The following RAB31 variants were observed in gnomAD, a reference collection of about 807,000 sequenced individuals.
The protein encoded by RAB31 is ras-related protein Rab-31.
In RAB31, 21 loss-of-function variants were observed where a neutral mutation model predicts 25.6. The observed-to-expected ratio is 0.82, with a 90% CI of 0.58 to 1.18. RAB31 has a LOEUF of 1.18. RAB31 is among the 50% of genes most tolerant of loss of function. The pLI is 0.00. For synonymous variants in RAB31, 87 were observed against 84.0 expected (o/e 1.04, Z -0.20); for missense variants, 196 against 250.1 (o/e 0.78, Z 1.46).
At position 9,771,400 on chromosome 18, in the gene RAB31, G is replaced by A. The variant is rs185818878; in HGVS notation, c.40-3878G>A. On this transcript the variant is annotated intron_variant, in intron 1 of 6. Transcript: ENST00000578921. The stretch of plus-strand genomic sequence containing the variant: ...GAAATGGAATAATATATACATAGAT[G>A]GGTTTCCGTCAGTGTGGCCCTAAAG... 3.9e-5 allele frequency among the ~76,000 whole-genome samples: 6 copies of A among 152,284 alleles called. No homozygotes were observed. The East Asian group carries it at 9.6e-4, about 24-fold the overall frequency.
intron 1 of RAB31, among the ~76,000 whole-genome samples, chr18:9,748,849 C>T (rs558488052): frequency 2.2e-4 from 33 of 152,026 alleles, no homozygotes; most frequent in Admixed American, 5.9e-4. Context: ...CGAGATTGCA[C>T]CACTGCACTC....
intron 5 of RAB31, among the ~76,000 whole-genome samples, chr18:9,821,644 A>T (rs1308763719): frequency 1.3e-5 from 2 of 152,134 alleles, no homozygotes; most frequent in African/African-American, 4.8e-5. Flanking sequence ...AATCAATCAG[A>T]TTTCTATATA....
At chr18:9,771,717 C>T (rs1388263348) in intron 1 of RAB31, among the ~76,000 whole-genome samples, 1 of 152,228 alleles carries the variant, frequency 6.6e-6, no homozygotes, top group Admixed American at 6.5e-5. Context: ...TCGGGAACTG[C>T]ATCCACTTGA....
At chr18:9,734,614 GGATCCCGGATAC>G (rs2145467659) in intron 1 of RAB31, among the ~76,000 whole-genome samples, 1 of 152,262 alleles carries the variant, frequency 6.6e-6, no homozygotes, top group Non-Finnish European at 1.5e-5. Flanking sequence ...GGTGCAGAAA[GGATCCCGGATAC>G]GATGAACAAA....
chr18:9,854,067 A>G (rs550975738), intron 6 of RAB31, among the ~76,000 whole-genome samples: 1 of 150,794 alleles, frequency 6.6e-6, no homozygotes, highest in Non-Finnish European at 1.5e-5. Flanking sequence ...ACGTATCAAC[A>G]CGTCATCTAG....
At chr18:9,770,746 G>A (rs1002063937) in intron 1 of RAB31, among the ~76,000 whole-genome samples, 9 of 152,096 alleles carry the variant, frequency 5.9e-5, no homozygotes, top group African/African-American at 9.7e-5. Flanking sequence ...TTACTGTTAA[G>A]GCTGCAGCGG....
chr18:9,714,617 A>C (rs542301580), intron 1 of RAB31, among the ~76,000 whole-genome samples: 4 of 152,380 alleles, frequency 2.6e-5, no homozygotes. Flanking sequence ...TGGTGTTTGC[A>C]TGCCTGTGCA....
chr18:9,799,404 G>A (rs2068502931), intron 3 of RAB31, among the ~76,000 whole-genome samples: 1 of 152,164 alleles, frequency 6.6e-6, no homozygotes, highest in African/African-American at 2.4e-5. Flanking sequence ...GTACAAATTT[G>A]TACTCTTGGA....
At chr18:9,823,714 G>T (rs1415151941) in intron 5 of RAB31, among the ~76,000 whole-genome samples, 3 of 152,128 alleles carry the variant, frequency 2.0e-5, no homozygotes, top group African/African-American at 4.8e-5. Flanking sequence ...AATTACAAAG[G>T]GGGATGTATT....
chr18:9,763,639 C>T (rs962749814), intron 1 of RAB31, among the ~76,000 whole-genome samples: 4 of 148,058 alleles, frequency 2.7e-5, no homozygotes, highest in East Asian at 2.0e-4. Flanking sequence ...AAAAGTTTAA[C>T]GTAGGCATAA....
chr18:9,741,661 A>T (rs2068179915), intron 1 of RAB31, among the ~76,000 whole-genome samples: 1 of 152,112 alleles, frequency 6.6e-6, no homozygotes, highest in African/African-American at 2.4e-5. Flanking sequence ...GTACATGTCC[A>T]TGGCAGCCCT....
At chr18:9,816,951 G>A (rs1194934610) in intron 5 of RAB31, among the ~76,000 whole-genome samples, 1 of 152,150 alleles carries the variant, frequency 6.6e-6, no homozygotes, top group East Asian at 1.9e-4. Context: ...AGCATTTAAC[G>A]AACTGTTCTG....
intron 2 of RAB31, among the ~76,000 whole-genome samples, chr18:9,789,316 C>A (rs924747431): frequency 1.1e-4 from 16 of 152,098 alleles, no homozygotes; most frequent in Non-Finnish European, 2.2e-4. Context: ...TGTTCTGTAG[C>A]ACTGTAGGAT....
chr18:9,723,076 C>G (rs141442633), intron 1 of RAB31, among the ~76,000 whole-genome samples: 3,092 of 152,132 alleles, frequency 0.02, 58 homozygotes, highest in South Asian at 0.035. Flanking sequence ...GAGACCAAGT[C>G]TCGTTCTGCC....
At chr18:9,726,493 G>A (rs2068096756) in intron 1 of RAB31, among the ~76,000 whole-genome samples, 2 of 152,232 alleles carry the variant, frequency 1.3e-5, no homozygotes, top group South Asian at 2.1e-4. Flanking sequence ...TGCCTCTAAC[G>A]GGGAACCTTG....
intron 1 of RAB31, among the ~76,000 whole-genome samples, chr18:9,713,343 C>CA (rs1001366096): frequency 2.5e-4 from 38 of 152,260 alleles, no homozygotes; most frequent in Middle Eastern, 3.4e-3. Context: ...CTAGCCACAG[C>CA]ATTTATTTCT....
intron 1 of RAB31, among the ~76,000 whole-genome samples, chr18:9,747,400 G>A (rs1002354178): frequency 7.9e-4 from 121 of 152,206 alleles, no homozygotes; most frequent in African/African-American, 2.8e-3. Flanking sequence ...ATGCCACAAA[G>A]AACTGAAAAG....
At chr18:9,739,748 T>C (rs1038853662) in intron 1 of RAB31, among the ~76,000 whole-genome samples, 1 of 152,072 alleles carries the variant, frequency 6.6e-6, no homozygotes, top group Admixed American at 6.5e-5. Context: ...GCTTGTGGGG[T>C]CATCACATTG....
Sources: allele counts gnomAD v4.1 joint callset (sites outside exome capture counted in the v4.1 genomes callset), GRCh38; gene constraint gnomAD v4.1.1; transcripts MANE v1.5; gene names NCBI Gene and HGNC (gene_info 2026-07-23, HGNC 2026-07-21).